The following STK32B variants were observed in gnomAD, a reference collection of about 807,000 sequenced individuals.
The protein encoded by STK32B is serine/threonine-protein kinase 32B.
Under a neutral mutation model 52.6 loss-of-function variants are expected in STK32B, and 43 were observed. The observed-to-expected ratio is 0.82, with a 90% CI of 0.64 to 1.05. STK32B has a LOEUF of 1.05. STK32B is among the 50% of genes least tolerant of loss of function. The pLI is 0.00. For synonymous variants in STK32B, 238 were observed against 204.3 expected, an observed-to-expected ratio of 1.17 and a Z score of -1.41; for missense variants, 621 against 534.6, an observed-to-expected ratio of 1.16 and a Z score of -1.59.
At chr4:5,488,570 C>G (rs988479373) in intron 11 of STK32B, among the ~76,000 whole-genome samples, 3 of 152,046 alleles carry the variant, frequency 2.0e-5, no homozygotes, top group Admixed American at 1.3e-4. Flanking sequence ...ATAAATTTCC[C>G]TTTCACAAGC....
At chr4:5,212,688 A>G (rs1220203115) in intron 3 of STK32B, among the ~76,000 whole-genome samples, 1 of 152,194 alleles carries the variant, frequency 6.6e-6, no homozygotes, top group Non-Finnish European at 1.5e-5. Flanking sequence ...AAAACATTAT[A>G]TAATTGGAAG....
chr4:5,189,543 T>G (rs1466115851), intron 3 of STK32B, among the ~76,000 whole-genome samples: 1 of 152,250 alleles, frequency 6.6e-6, no homozygotes, highest in Admixed American at 6.5e-5. Context: ...ACAGTTTATT[T>G]ACCTGGTAGC....
rs112184894 is a variant in STK32B at position 5,207,350 on chromosome 4, C to T, written c.260+38900C>T. Among the ~76,000 whole-genome samples the T allele has an allele frequency of 1.5e-4, 23 of 152,262 alleles. No individual in the cohort carries two copies. The East Asian group carries it at 1.9e-3, about 13-fold the overall frequency. Reference sequence around the variant, plus strand: ...GAGGCAGGTTTTCCCGTGCTTTTCTCGTGATAGCGAATAAGTTTCATGAGA... The same window carrying T: ...GAGGCAGGTTTTCCCGTGCTTTTCTTGTGATAGCGAATAAGTTTCATGAGA... On this transcript the variant is annotated intron_variant, in intron 3 of 11. Coordinates refer to ENST00000282908, the MANE Select transcript of STK32B (RefSeq NM_018401.3).
intron 3 of STK32B, among the ~76,000 whole-genome samples, chr4:5,274,312 A>G (rs555254146): frequency 2.0e-5 from 3 of 152,208 alleles, no homozygotes; most frequent in Non-Finnish European, 4.4e-5. Flanking sequence ...AGAATTTTAA[A>G]ATAGAACCAC....
chr4:5,036,758 C>A, the STK32B span, among the ~76,000 whole-genome samples: 1 of 149,762 alleles, frequency 6.7e-6, no homozygotes, highest in South Asian at 2.1e-4. Flanking sequence ...ACCTCCGCCT[C>A]CTGGGTTCAA....
intron 4 of STK32B, among the ~76,000 whole-genome samples, chr4:5,351,562 A>G (rs574725547): frequency 5.6e-4 from 84 of 150,086 alleles, no homozygotes; most frequent in Middle Eastern, 3.4e-3. Flanking sequence ...AATTAGAAAA[A>G]GAAGAACAAA....
chr4:5,139,201 A>T (rs13129584), intron 1 of STK32B, among the ~76,000 whole-genome samples: 2 of 151,952 alleles, frequency 1.3e-5, no homozygotes, highest in Non-Finnish European at 2.9e-5. Flanking sequence ...TAAGGGGAGA[A>T]AGGAGTCAAG....
chr4:5,446,895 GC>G (rs1274904582), intron 7 of STK32B, 119 bp downstream of exon 7: 10 of 912,664 alleles, frequency 1.1e-5, no homozygotes, highest in Admixed American at 1.1e-4. Flanking sequence ...GGGAGTCACT[GC>G]CCCCCAGGTT....
intron 3 of STK32B, among the ~76,000 whole-genome samples, chr4:5,247,611 A>G (rs1431944299): frequency 6.6e-6 from 1 of 152,106 alleles, no homozygotes; most frequent in Non-Finnish European, 1.5e-5. Context: ...TCCCTGTGTG[A>G]TGAACCCTGT....
intron 3 of STK32B, among the ~76,000 whole-genome samples, chr4:5,262,491 G>C (rs1302246556): frequency 6.6e-6 from 1 of 151,952 alleles, no homozygotes; most frequent in Admixed American, 6.6e-5. Context: ...CGGCCGTGGT[G>C]GCGGGCGCCT....
chr4:5,156,583 G>C (rs188307848), intron 2 of STK32B, among the ~76,000 whole-genome samples: 1 of 152,284 alleles, frequency 6.6e-6, no homozygotes, highest in East Asian at 1.9e-4. Context: ...GCAGGGCTTC[G>C]TTATTTCTGA....
At chr4:5,487,671 G>A (rs943031873) in intron 11 of STK32B, among the ~76,000 whole-genome samples, 3 of 152,136 alleles carry the variant, frequency 2.0e-5, no homozygotes, top group Non-Finnish European at 4.4e-5. Flanking sequence ...GAGCAATTAC[G>A]TATTGTAAAA....
intron 3 of STK32B, among the ~76,000 whole-genome samples, chr4:5,259,098 C>G (rs1726532235): frequency 6.6e-6 from 1 of 152,224 alleles, no homozygotes; most frequent in Admixed American, 6.5e-5. Context: ...ACAACATCTT[C>G]TCAAGAAAGC....
chr4:5,317,558 T>TAA lies in STK32B; in HGVS notation c.261-13661_261-13660dup, dbSNP rs1553871955. 4.8e-4 allele frequency among the ~76,000 whole-genome samples: 59 copies of TAA among 122,838 alleles called. 3 individuals carry two copies. The highest frequency in any genetic ancestry group is 1.4e-3 in the African/African-American group (38 of 27,922). The allele number at this position is 122,838 out of a possible 152,430, so 80.6% of individuals were successfully genotyped here. On this transcript the variant is annotated intron_variant, in intron 3 of 11. Transcript: ENST00000282908. ...TTACATGTATATATATATATATATA[T>TAA]AACTTGAAAAAAATATGTAAGGAGG...
At chr4:5,029,425 C>T in the STK32B span, among the ~76,000 whole-genome samples, 1 of 152,160 alleles carries the variant, frequency 6.6e-6, no homozygotes, top group South Asian at 2.1e-4. Context: ...ACATTCAACC[C>T]AGTGTTGCTG....
the STK32B span, among the ~76,000 whole-genome samples, chr4:5,024,328 A>C: frequency 6.6e-6 from 1 of 152,234 alleles, no homozygotes; most frequent in African/African-American, 2.4e-5. Flanking sequence ...CCTGAGGAAG[A>C]AAGAGTTCTG....
chr4:5,456,768 G>GCT (rs1025170245), intron 7 of STK32B, 39 bp from the exon 8 acceptor site: 6 of 1,500,516 alleles, frequency 4.0e-6, no homozygotes, highest in East Asian at 2.4e-5. Flanking sequence ...CCTTCCAATG[G>GCT]CTCTCTCTCT....
intron 2 of STK32B, among the ~76,000 whole-genome samples, chr4:5,163,472 G>A (rs943026390): frequency 2.0e-5 from 3 of 151,942 alleles, no homozygotes; most frequent in African/African-American, 7.2e-5. Context: ...GGTAACAAGG[G>A]CAGGAGAGGT....
At chr4:5,457,586 G>C (rs1476050569) in intron 8 of STK32B, among the ~76,000 whole-genome samples, 2 of 151,330 alleles carry the variant, frequency 1.3e-5, no homozygotes, top group African/African-American at 4.9e-5. Context: ...TGGGTATCTC[G>C]GCTGGGCGCA....
Sources: gnomAD v4.1 joint callset for allele counts (sites outside exome capture counted in the v4.1 genomes callset) on GRCh38, gnomAD v4.1.1 for gene constraint, MANE v1.5 for transcripts, NCBI Gene and HGNC (gene_info 2026-07-23, HGNC 2026-07-21) for gene names.